The following PTPRD variants were observed in gnomAD, a reference collection of about 807,000 sequenced individuals.
PTPRD encodes protein tyrosine phosphatase receptor type D, also known as receptor-type tyrosine-protein phosphatase delta.
A neutral mutation model predicts 214.5 loss-of-function variants in PTPRD; 34 were observed. The observed-to-expected ratio is 0.16, with a 90% confidence interval of 0.12 to 0.21. The LOEUF (loss-of-function observed/expected upper bound fraction) is 0.21, where lower values mean the gene tolerates loss of function less well. Ranked by LOEUF, PTPRD falls within the 10% of genes least tolerant of loss-of-function variation. The pLI is 1.00. For missense variants in PTPRD, 2,545 were observed against 2,398.7 expected (o/e 1.06, Z -1.27); for synonymous variants, 1,128 against 845.7 (o/e 1.33, Z -5.79).
intron 10 of PTPRD, among the ~76,000 whole-genome samples, chr9:9,112,973 T>A (rs1303794444): frequency 6.6e-6 from 1 of 151,726 alleles, no homozygotes; most frequent in African/African-American, 2.4e-5. Context: ...TTTTTCTTTT[T>A]TTTTTGTTTG....
intron 12 of PTPRD, among the ~76,000 whole-genome samples, chr9:8,656,101 A>G (rs1179046515): frequency 6.6e-6 from 1 of 152,110 alleles, no homozygotes; most frequent in East Asian, 1.9e-4. Context: ...TAACATTTTT[A>G]TTTCAAAATA....
intron 14 of PTPRD, among the ~76,000 whole-genome samples, chr9:8,581,295 G>T (rs955635680): frequency 2.0e-5 from 3 of 152,152 alleles, no homozygotes; most frequent in African/African-American, 7.2e-5. Flanking sequence ...ATTAGCAATA[G>T]GTAAAAATAG....
At chr9:9,881,253 C>T (rs1176856597) in intron 5 of PTPRD, among the ~76,000 whole-genome samples, 1 of 152,118 alleles carries the variant, frequency 6.6e-6, no homozygotes, top group Non-Finnish European at 1.5e-5. Context: ...GACATTCAAT[C>T]ATCTTTTGGA....
At chr9:9,667,164 G>T (rs2096739749) in intron 7 of PTPRD, among the ~76,000 whole-genome samples, 1 of 151,780 alleles carries the variant, frequency 6.6e-6, no homozygotes, top group South Asian at 2.1e-4. Flanking sequence ...TCATGGCTGT[G>T]ACCCCCAACC....
intron 31 of PTPRD, among the ~76,000 whole-genome samples, chr9:8,466,413 C>T (rs1297582409): frequency 6.6e-6 from 1 of 151,884 alleles, no homozygotes; most frequent in Non-Finnish European, 1.5e-5. Flanking sequence ...CTGAAGAAAA[C>T]ACACATGCAC....
intron 11 of PTPRD, among the ~76,000 whole-genome samples, chr9:8,780,146 G>A (rs1299459992): frequency 2.6e-5 from 4 of 152,004 alleles, no homozygotes; most frequent in East Asian, 1.9e-4. Flanking sequence ...GAAATAAAAC[G>A]ACTCTAAATT....
At chr9:9,290,338 T>C (rs917526194) in intron 9 of PTPRD, among the ~76,000 whole-genome samples, 12 of 151,828 alleles carry the variant, frequency 7.9e-5, no homozygotes, top group South Asian at 2.1e-4. Context: ...TGTGTGAGTT[T>C]CTTATATTTA....
At chr9:8,318,841 T>C (rs1209224446) in intron 45 of PTPRD, among the ~76,000 whole-genome samples, 1 of 152,060 alleles carries the variant, frequency 6.6e-6, no homozygotes. Context: ...CAGCTCTCTA[T>C]AGGGATGAGG....
At chr9:8,612,732 C>G (rs2095493403) in intron 14 of PTPRD, among the ~76,000 whole-genome samples, 1 of 152,184 alleles carries the variant, frequency 6.6e-6, no homozygotes, top group African/African-American at 2.4e-5. Flanking sequence ...CTGGGGGACC[C>G]TGAGGCTGGT....
chr9:10,155,062 T>C (rs1477106992), intron 3 of PTPRD, among the ~76,000 whole-genome samples: 1 of 152,096 alleles, frequency 6.6e-6, no homozygotes, highest in Non-Finnish European at 1.5e-5. Context: ...ACAATATTGA[T>C]TTTTCCTATC....
chr9:8,320,783 G>A (rs1344884535), intron 44 of PTPRD, among the ~76,000 whole-genome samples: 3 of 152,044 alleles, frequency 2.0e-5, no homozygotes, highest in African/African-American at 4.8e-5. Flanking sequence ...GATAACTCCA[G>A]AATCTTCACG....
At chr9:8,465,006 T>C (rs189981304) in intron 32 of PTPRD, among the ~76,000 whole-genome samples, 1 of 151,994 alleles carries the variant, frequency 6.6e-6, no homozygotes, top group East Asian at 1.9e-4. Context: ...ACCCCCAAAG[T>C]CAGTATTTTC....
At chr9:8,692,504 G>A (rs1258924078) in intron 12 of PTPRD, among the ~76,000 whole-genome samples, 8 of 152,130 alleles carry the variant, frequency 5.3e-5, no homozygotes, top group East Asian at 1.9e-4. Context: ...TTTCCTAGCT[G>A]AGAATTTGAT....
chr9:10,011,813 T>C (rs1438675402), intron 4 of PTPRD, among the ~76,000 whole-genome samples: 3 of 151,962 alleles, frequency 2.0e-5, no homozygotes, highest in Non-Finnish European at 4.4e-5. Context: ...TCTTATATCT[T>C]ATCAGTCACC....
chr9:9,121,454 GTA>G (rs144589644), intron 10 of PTPRD, among the ~76,000 whole-genome samples: 3,430 of 150,608 alleles, frequency 0.023, 68 homozygotes, highest in East Asian at 0.071. Context: ...AGAAACTTTG[GTA>G]TATATATATA....
intron 2 of PTPRD, among the ~76,000 whole-genome samples, chr9:10,405,979 G>A (rs2098349816): frequency 6.6e-6 from 1 of 151,292 alleles, no homozygotes; most frequent in South Asian, 2.1e-4. Flanking sequence ...TTATGTGAAT[G>A]TTATAAGGAT....
At chr9:8,410,166 G>A (rs1037742488) in intron 35 of PTPRD, among the ~76,000 whole-genome samples, 1 of 152,202 alleles carries the variant, frequency 6.6e-6, no homozygotes, top group Non-Finnish European at 1.5e-5. Flanking sequence ...TTGCATAGAT[G>A]GGAAGGGCTA....
chr9:10,335,707 A>T (rs1177285474), intron 3 of PTPRD, among the ~76,000 whole-genome samples: 1 of 151,816 alleles, frequency 6.6e-6, no homozygotes, highest in Non-Finnish European at 1.5e-5. Flanking sequence ...TGACAAAGGA[A>T]TGTTATCTAA....
chr9:8,461,393 A>C (rs1467299492), intron 32 of PTPRD, among the ~76,000 whole-genome samples: 2 of 152,074 alleles, frequency 1.3e-5, no homozygotes, highest in East Asian at 3.9e-4. Flanking sequence ...AATGGACTAA[A>C]TATCGATGAT....
Sources: gnomAD v4.1 joint callset for allele counts (sites outside exome capture counted in the v4.1 genomes callset) on GRCh38, gnomAD v4.1.1 for gene constraint, MANE v1.5 for transcripts, NCBI Gene and HGNC (gene_info 2026-07-23, HGNC 2026-07-21) for gene names.